Variants in AVP observed in about 807,000 individuals in gnomAD.
AVP encodes the protein vasopressin-neurophysin 2-copeptin.
A neutral mutation model predicts 11.1 loss-of-function variants in AVP; 9 were observed. The ratio of observed to expected loss-of-function variants is 0.81; its 90% confidence interval spans 0.49 to 1.42. The LOEUF is 1.42. Among genes scored for constraint, AVP ranks in the 40% most tolerant of loss-of-function variants. The pLI is 0.00. For missense variants in AVP, 206 were observed against 238.5 expected, an observed-to-expected ratio of 0.86 and a Z score of 0.90; for synonymous variants, 106 against 111.3, an observed-to-expected ratio of 0.95 and a Z score of 0.30.
chr20:3,083,288 G>T lies in AVP; in HGVS notation c.121-110C>A. ...GGTCCAGGGCTCGGAGTGCGGGCGG[G>T]ACACCGGGGCTGCGGCTGCAGGCAC... On this transcript the variant is annotated intron_variant, in intron 1 of 2. Transcript: ENST00000380293. This position sits in a 1 kb window ranked among gnomAD's most constrained non-coding sequence, Gnocchi z 5.4. 8.3e-7 allele frequency: 1 copy of T among 1,198,064 alleles called. No homozygotes were observed. Among genetic ancestry groups the T allele is most frequent in the African/African-American group, 1.6e-5 (1 of 62,474 alleles). The allele number at this position is 1,198,064 out of a possible 1,614,324, so 74.2% of individuals were successfully genotyped here. A position where few individuals can be genotyped will look rare whatever the true frequency, so the allele number is the denominator to read the frequency against.
rs1388219139 is a variant in AVP at position 3,083,500 on chromosome 20, GCCACTGTTGCAGCTGCC to G, written c.121-339_121-323del. ...AGCCTCGGGGTCATCGCTGGTGGGCGCCACTGTTGCAGCTGCCCCACCCTCCACCACTCCAGACCCTT... is the reference window on the plus strand; with the variant it reads ...AGCCTCGGGGTCATCGCTGGTGGGCGCCACCCTCCACCACTCCAGACCCTT... On this transcript the variant is annotated intron_variant, in intron 1 of 2. Transcript: ENST00000380293. The surrounding 1 kb of genome is among the most constrained non-coding windows in gnomAD (Gnocchi z 5.4). Among the ~76,000 whole-genome samples, 3 of 152,122 alleles carry G rather than the reference GCCACTGTTGCAGCTGCC, an allele frequency of 2.0e-5. No individual in the cohort carries two copies. The highest frequency in any genetic ancestry group is 4.4e-5 in the Non-Finnish European group (3 of 68,016).
At position 3,084,649 on chromosome 20, in the gene AVP, C is replaced by G; in HGVS notation, c.26G>C (p.Cys9Ser). 6.2e-7 allele frequency: 1 copy of G among 1,613,554 alleles called. No individual in the cohort carries two copies. Among genetic ancestry groups the G allele is most frequent in the Non-Finnish European group, 8.5e-7 (1 of 1,180,026 alleles). ...GGAGAAGGCCAGTAGGCCGAGGAAG[C>G]AGGCGGGCAGCATGGTGTCAGGCAT... MPDTMLPA[C>S]FLGLLAFSSA... Residue 9 changes from cysteine (C) to serine (S), a missense_variant, in exon 1 of 3, where the codon TGC becomes TCC. This residue lies in a region of AVP where 100 missense variants were observed against 149.3 expected (regional missense o/e 0.67). Transcript: ENST00000380293.
rs1473428619 is a variant in AVP at position 3,082,564 on chromosome 20, CGGA to C, written c.*63_*65del. On this transcript the variant is annotated 3_prime_UTR_variant, in exon 3 of 3. Coordinates refer to ENST00000380293, the MANE Select transcript of AVP (RefSeq NM_000490.5). The surrounding 1 kb of genome is among the most constrained non-coding windows in gnomAD (Gnocchi z 4.7). ...AGACAGACGCGAGGCCGTGCATTGGCGGAGGTTTATTGTCCGTGCTGCAGGGGC... is the reference window on the plus strand; with the variant it reads ...AGACAGACGCGAGGCCGTGCATTGGCGGTTTATTGTCCGTGCTGCAGGGGC... 2.5e-6 allele frequency: 3 copies of C among 1,214,152 alleles called. No homozygotes were observed. In the East Asian group the frequency reaches 9.9e-5, roughly 40 times the overall value. The allele number at this position is 1,214,152 out of a possible 1,614,324, so 75.2% of individuals were successfully genotyped here. A position where few individuals can be genotyped will look rare whatever the true frequency, so the allele number is the denominator to read the frequency against.
In AVP at chr20:3,082,893, G is replaced by GCGCCC; in HGVS notation, c.322+83_322+84insGGGCG. 8.4e-7 allele frequency: 1 copy of GCGCCC among 1,191,548 alleles called. No homozygotes were observed. The highest frequency in any genetic ancestry group is 1.0e-6 in the Non-Finnish European group (1 of 953,866). The allele number at this position is 1,191,548 out of a possible 1,614,324, so 73.8% of individuals were successfully genotyped here. On this transcript the variant is annotated intron_variant, in intron 2 of 2. Transcript: ENST00000380293. This position sits in a 1 kb window ranked among gnomAD's most constrained non-coding sequence, Gnocchi z 4.7. Reference sequence around the variant, plus strand: ...CACCCTCCCTGCCGGGCCCGACGCAGCCCCCACCCCGCCGCAGGCCCGCGT... The same window carrying GCGCCC: ...CACCCTCCCTGCCGGGCCCGACGCAGCGCCCCCCCCACCCCGCCGCAGGCCCGCGT...
At position 3,083,050 on chromosome 20, in the gene AVP, C is replaced by T. The variant is rs753996905; in HGVS notation, c.249G>A (p.Ser83=). The change falls in exon 2 of 3, where the codon TCG becomes TCA. Residue 83 remains serine, a synonymous_variant. Transcript: ENST00000380293. The surrounding 1 kb of genome is among the most constrained non-coding windows in gnomAD (Gnocchi z 5.4). ...ACGCCTTCTGGCCGGACTGGCAGGGCGACGGCAGGTAGTTCTCCTCCTGGC... is the reference window on the plus strand; with the variant it reads ...ACGCCTTCTGGCCGGACTGGCAGGGTGACGGCAGGTAGTTCTCCTCCTGGC... ...LRCQEENYLP[S]PCQSGQKACG... 1.1e-5 allele frequency: 17 copies of T among 1,559,608 alleles called. No homozygotes were observed. The highest frequency in any genetic ancestry group is 1.5e-5 in the Non-Finnish European group (17 of 1,163,484).
Position 3,083,566 on chromosome 20 carries a change from C to T in AVP, c.121-388G>A, listed in dbSNP as rs758995388. Among the ~76,000 whole-genome samples, 1 of 152,180 alleles carries T rather than the reference C, an allele frequency of 6.6e-6. No homozygotes were observed. Among genetic ancestry groups the T allele is most frequent in the Non-Finnish European group, 1.5e-5 (1 of 68,014 alleles). ...TTCCTCCTTCCTCCTCGCCCTGCTG[C>T]GGCTTGAGCCCGGGCCCACCCCCTT... On this transcript the variant is annotated intron_variant, in intron 1 of 2. Transcript: ENST00000380293. The surrounding 1 kb of genome is among the most constrained non-coding windows in gnomAD (Gnocchi z 5.4).
rs1350687552 is a variant in AVP, at chr20:3,082,715, C to T, written c.410G>A (p.Gly137Glu). 1.1e-5 allele frequency: 14 copies of T among 1,290,258 alleles called. No homozygotes were observed. Among genetic ancestry groups the T allele is most frequent in the Non-Finnish European group, 1.4e-5 (14 of 1,022,352 alleles). 79.9% of individuals were successfully genotyped at this position (1,290,258 alleles called of 1,614,324 possible). Reference protein sequence around the residue: ...SDRSNATQLDGPAGALLLRLV... With the variant: ...SDRSNATQLDEPAGALLLRLV... ...CCGCAGCAGCAAGGCCCCGGCCGGC[C>T]CGTCCAGCTGCGTGGCGTTGCTCCG... The change falls in exon 3 of 3, where the codon GGG becomes GAG. Residue 137 changes from glycine to glutamate, a missense_variant. By Grantham distance (98) the Gly-to-Glu change is moderately conservative. Coordinates refer to ENST00000380293, the MANE Select transcript of AVP (RefSeq NM_000490.5). This position sits in a 1 kb window ranked among gnomAD's most constrained non-coding sequence, Gnocchi z 4.7.
Position 3,083,315 on chromosome 20 carries a change from C to A in AVP, c.121-137G>T. On this transcript the variant is annotated intron_variant, in intron 1 of 2. Coordinates refer to ENST00000380293, the MANE Select transcript of AVP (RefSeq NM_000490.5). This position sits in a 1 kb window ranked among gnomAD's most constrained non-coding sequence, Gnocchi z 5.4. Reference sequence around the variant, plus strand: ...CACCGGGGCTGCGGCTGCAGGCACGCTCGGGCGCCACTGGGCCTCGACCGC... The same window carrying A: ...CACCGGGGCTGCGGCTGCAGGCACGATCGGGCGCCACTGGGCCTCGACCGC... 1.0e-6 allele frequency: 1 copy of A among 1,000,588 alleles called. No individual in the cohort carries two copies. The highest frequency in any genetic ancestry group is 3.3e-5 in the East Asian group (1 of 30,456). The allele number at this position is 1,000,588 out of a possible 1,614,324, so 62.0% of individuals were successfully genotyped here. A position where few individuals can be genotyped will look rare whatever the true frequency, so the allele number is the denominator to read the frequency against.
rs1339429199 is a variant in AVP at position 3,084,704 on chromosome 20, A to G, written c.-30T>C. 6.2e-7 allele frequency: 1 copy of G among 1,611,674 alleles called. No individual in the cohort carries two copies. Among genetic ancestry groups the G allele is most frequent in the East Asian group, 2.2e-5 (1 of 44,876 alleles). On this transcript the variant is annotated 5_prime_UTR_variant, in exon 1 of 3. Coordinates refer to ENST00000380293, the MANE Select transcript of AVP (RefSeq NM_000490.5). ...GTGCACACAGGTGGACCCCGTATGC[A>G]GCACTGCTTGGTGGCTCTGTGCTGC...
At chr20:3,084,032 T>C (rs989790798) in intron 1 of AVP, among the ~76,000 whole-genome samples, 1 of 152,224 alleles carries the variant, frequency 6.6e-6, no homozygotes, top group African/African-American at 2.4e-5. Flanking sequence ...TCCAGCACTA[T>C]AGAATTAGGC....
chr20:3,082,893 G>GGC lies in AVP; in HGVS notation c.322+83_322+84insGC. The stretch of plus-strand genomic sequence containing the variant: ...CACCCTCCCTGCCGGGCCCGACGCA[G>GGC]CCCCCACCCCGCCGCAGGCCCGCGT... On this transcript the variant is annotated intron_variant, in intron 2 of 2. Coordinates refer to ENST00000380293, the MANE Select transcript of AVP (RefSeq NM_000490.5). This position sits in a 1 kb window ranked among gnomAD's most constrained non-coding sequence, Gnocchi z 4.7. 6.9e-5 allele frequency: 82 copies of GGC among 1,191,276 alleles called. No individual in the cohort carries two copies. Among genetic ancestry groups the GGC allele is most frequent in the Non-Finnish European group, 7.7e-5 (73 of 953,612 alleles). 73.8% of individuals were successfully genotyped at this position (1,191,276 alleles called of 1,614,324 possible). A position where few individuals can be genotyped will look rare whatever the true frequency, so the allele number is the denominator to read the frequency against.
Position 3,082,945 on chromosome 20 carries a change from C to CG in AVP, c.322+31_322+32insC, listed in dbSNP as rs762655956. On this transcript the variant is annotated intron_variant, in intron 2 of 2. Coordinates refer to ENST00000380293, the MANE Select transcript of AVP (RefSeq NM_000490.5). This position sits in a 1 kb window ranked among gnomAD's most constrained non-coding sequence, Gnocchi z 4.7. ...CCCCCCACCCAAGCGGTCTGCGCCC[C>CG]CCCCAGCCCCAGGCCCGCCCCCGCC... 8 of 1,316,624 alleles carry CG rather than the reference C, an allele frequency of 6.1e-6. No individual in the cohort carries two copies. The highest frequency in any genetic ancestry group is 4.7e-5 in the African/African-American group (3 of 64,044). 81.6% of individuals were successfully genotyped at this position (1,316,624 alleles called of 1,614,324 possible).
rs981472398 is a variant in AVP at position 3,082,843 on chromosome 20, C to T, written c.323-41G>A. The T allele has an allele frequency of 1.8e-5, 22 of 1,220,700 alleles. 1 individual carries two copies. The Admixed American group carries it at 4.9e-4, about 27-fold the overall frequency. The allele number at this position is 1,220,700 out of a possible 1,614,324, so 75.6% of individuals were successfully genotyped here. ...GTGAGCACGGGCGCCCTGGGGCGGG[C>T]GCAGCTCGGGGTGCGGGGGGCCCAC... On this transcript the variant is annotated intron_variant, in intron 2 of 2. Transcript: ENST00000380293. The surrounding 1 kb of genome is among the most constrained non-coding windows in gnomAD (Gnocchi z 4.7).
Position 3,084,648 on chromosome 20 carries a change from G to C in AVP, c.27C>G (p.Cys9Trp). Residue 9 changes from cysteine (C) to tryptophan (W), a missense_variant, in exon 1 of 3, where the codon TGC becomes TGG. By Grantham distance (215) the Cys-to-Trp change is radical (BLOSUM62 -2). This residue lies in a region of AVP where 100 missense variants were observed against 149.3 expected (regional missense o/e 0.67). Coordinates refer to ENST00000380293, the MANE Select transcript of AVP (RefSeq NM_000490.5). ...AGGAGAAGGCCAGTAGGCCGAGGAA[G>C]CAGGCGGGCAGCATGGTGTCAGGCA... Reference protein sequence around the residue: MPDTMLPACFLGLLAFSSA... With the variant: MPDTMLPAWFLGLLAFSSA... 6.2e-7 allele frequency: 1 copy of C among 1,613,572 alleles called. No individual in the cohort carries two copies. Among genetic ancestry groups the C allele is most frequent in the Non-Finnish European group, 8.5e-7 (1 of 1,180,034 alleles).
chr20:3,082,719 C>A lies in AVP; in HGVS notation c.406G>T (p.Asp136Tyr). The change falls in exon 3 of 3, where the codon GAC becomes TAC. Residue 136 changes from aspartate to tyrosine, a missense_variant. Transcript: ENST00000380293. This position sits in a 1 kb window ranked among gnomAD's most constrained non-coding sequence, Gnocchi z 4.7. ...ASDRSNATQL[D>Y]GPAGALLLRL... The stretch of plus-strand genomic sequence containing the variant: ...AGCAGCAAGGCCCCGGCCGGCCCGT[C>A]CAGCTGCGTGGCGTTGCTCCGGTCG... The A allele has an allele frequency of 7.7e-7, 1 of 1,292,674 alleles. No homozygotes were observed. The highest frequency in any genetic ancestry group is 9.8e-7 in the Non-Finnish European group (1 of 1,023,602). The allele number at this position is 1,292,674 out of a possible 1,614,324, so 80.1% of individuals were successfully genotyped here. A position where few individuals can be genotyped will look rare whatever the true frequency, so the allele number is the denominator to read the frequency against.
chr20:3,082,616 G>A lies in AVP; in HGVS notation c.*14C>T, dbSNP rs2066115068. Reference sequence around the variant, plus strand: ...GCGGGCGCGAAGAGCGCGCCGGTGGGGCGAGCGCGGGGCTCAGTAGGCGTC... The same window carrying A: ...GCGGGCGCGAAGAGCGCGCCGGTGGAGCGAGCGCGGGGCTCAGTAGGCGTC... On this transcript the variant is annotated 3_prime_UTR_variant, in exon 3 of 3. Transcript: ENST00000380293. This position sits in a 1 kb window ranked among gnomAD's most constrained non-coding sequence, Gnocchi z 4.7. The A allele has an allele frequency of 8.0e-7, 1 of 1,249,464 alleles. No individual in the cohort carries two copies. The highest frequency in any genetic ancestry group is 1.0e-6 in the Non-Finnish European group (1 of 998,620). The allele number at this position is 1,249,464 out of a possible 1,614,324, so 77.4% of individuals were successfully genotyped here.
Position 3,083,342 on chromosome 20 carries a change from G to A in AVP, c.121-164C>T, listed in dbSNP as rs1446217819. Among the ~76,000 whole-genome samples the A allele has an allele frequency of 6.6e-6, 1 of 152,158 alleles. No individual in the cohort carries two copies. Among genetic ancestry groups the A allele is most frequent in the Non-Finnish European group, 1.5e-5 (1 of 68,014 alleles). On this transcript the variant is annotated intron_variant, in intron 1 of 2. Coordinates refer to ENST00000380293, the MANE Select transcript of AVP (RefSeq NM_000490.5). This position sits in a 1 kb window ranked among gnomAD's most constrained non-coding sequence, Gnocchi z 5.4. ...CGGGCGCCACTGGGCCTCGACCGCG[G>A]TCACGGGCGGGGCGTCCAGATCTGC...
chr20:3,082,944 C>CCA lies in AVP; in HGVS notation c.322+32_322+33insTG, dbSNP rs1371942724. The CCA allele has an allele frequency of 1.5e-6, 2 of 1,291,232 alleles. No individual in the cohort carries two copies. The highest frequency in any genetic ancestry group is 2.0e-5 in the South Asian group (1 of 50,836). The allele number at this position is 1,291,232 out of a possible 1,614,324, so 80.0% of individuals were successfully genotyped here. A position where few individuals can be genotyped will look rare whatever the true frequency, so the allele number is the denominator to read the frequency against. On this transcript the variant is annotated intron_variant, in intron 2 of 2. Transcript: ENST00000380293. The surrounding 1 kb of genome is among the most constrained non-coding windows in gnomAD (Gnocchi z 4.7). ...CCCCCCCACCCAAGCGGTCTGCGCC[C>CCA]CCCCCAGCCCCAGGCCCGCCCCCGC... is the stretch of plus-strand genomic sequence containing the variant.
chr20:3,082,947 C>CCT lies in AVP; in HGVS notation c.322+29_322+30insAG. 1 of 1,346,826 alleles carries CCT rather than the reference C, an allele frequency of 7.4e-7. No individual in the cohort carries two copies. The allele number at this position is 1,346,826 out of a possible 1,614,324, so 83.4% of individuals were successfully genotyped here. On this transcript the variant is annotated intron_variant, in intron 2 of 2. Transcript: ENST00000380293. This position sits in a 1 kb window ranked among gnomAD's most constrained non-coding sequence, Gnocchi z 4.7. ...CCCCACCCAAGCGGTCTGCGCCCCC[C>CCT]CCAGCCCCAGGCCCGCCCCCGCCGC...
Sources: allele counts gnomAD v4.1 joint callset (sites outside exome capture counted in the v4.1 genomes callset), GRCh38; gene constraint gnomAD v4.1.1; regional missense constraint gnomAD v4.1.1; non-coding constraint Gnocchi (gnomAD v3.1); transcripts MANE v1.5; gene names NCBI Gene and HGNC (gene_info 2026-07-23, HGNC 2026-07-21).